Variants in EBF2 observed in about 807,000 individuals in gnomAD.
The protein encoded by EBF2 is EBF transcription factor 2.
A neutral mutation model predicts 72.8 loss-of-function variants in EBF2; 21 were observed. That is an observed-to-expected ratio of 0.29 (90% CI 0.20 to 0.42). The LOEUF is 0.42. EBF2 is among the 10% of genes least tolerant of loss of function. EBF2 has a pLI of 1.00. For missense variants in EBF2, 637 were observed against 731.2 expected, an observed-to-expected ratio of 0.87 and a Z score of 1.49; for synonymous variants, 299 against 274.2, an observed-to-expected ratio of 1.09 and a Z score of -0.89.
In EBF2 at chr8:25,850,751, T is replaced by G; in HGVS notation, c.1539A>C (p.Ser513=). Residue 513 remains serine, a synonymous_variant, in exon 15 of 16, where the codon TCA becomes TCC. Transcript: ENST00000520164. The part of the protein sequence containing the change: ...PTGSPYGIMS[S]SPTVGSSSTS... ...TGCTGGAAGACCCAACGGTGGGACT[T>G]GATGACATGACTGGAAAGCAAATGC... is the stretch of plus-strand genomic sequence containing the variant. 3 of 1,552,434 alleles carry G rather than the reference T, an allele frequency of 1.9e-6. No individual in the cohort carries two copies. Among genetic ancestry groups the G allele is most frequent in the East Asian group, 2.5e-5 (1 of 40,240 alleles).
chr8:25,846,519 C>T (rs1428285589), intron 15 of EBF2, among the ~76,000 whole-genome samples: 1 of 152,104 alleles, frequency 6.6e-6, no homozygotes, highest in Non-Finnish European at 1.5e-5. Flanking sequence ...GAAAACCCAT[C>T]TCTACAAAAA....
intron 6 of EBF2, among the ~76,000 whole-genome samples, chr8:25,978,657 T>C (rs1804306238): frequency 6.6e-6 from 1 of 152,044 alleles, no homozygotes; most frequent in Non-Finnish European, 1.5e-5. Flanking sequence ...TGAGCACACC[T>C]AGGAAATGGG....
chr8:25,922,580 A>T (rs1803322224), intron 6 of EBF2, among the ~76,000 whole-genome samples: 1 of 152,260 alleles, frequency 6.6e-6, no homozygotes, highest in South Asian at 2.1e-4. Context: ...AGATATCATT[A>T]TTAAGTCAAC....
At chr8:25,891,793 G>A (rs1802786502) in intron 7 of EBF2, among the ~76,000 whole-genome samples, 1 of 152,108 alleles carries the variant, frequency 6.6e-6, no homozygotes. Flanking sequence ...GGCCAGGCTG[G>A]TCTTGAACTC....
intron 10 of EBF2, among the ~76,000 whole-genome samples, chr8:25,881,600 TG>T (rs1802606148): frequency 6.6e-6 from 1 of 152,060 alleles, no homozygotes; most frequent in Admixed American, 6.5e-5. Context: ...GGAAGGGAAG[TG>T]CTGGGTAGAG....
intron 6 of EBF2, among the ~76,000 whole-genome samples, chr8:25,928,564 C>G (rs73225942): frequency 6.6e-6 from 1 of 151,974 alleles, no homozygotes; most frequent in Non-Finnish European, 1.5e-5. Flanking sequence ...TCACTTAGAA[C>G]GAAGCCAGAG....
chr8:25,888,013 T>C (rs754239484), intron 8 of EBF2, 41 bp from the exon 9 acceptor site: 3 of 1,558,590 alleles, frequency 1.9e-6, no homozygotes, highest in South Asian at 1.2e-5. Context: ...TGTTCTTTCA[T>C]GGGTGTCCAA....
At chr8:26,005,830 CAAAA>C (rs34153696) in intron 6 of EBF2, among the ~76,000 whole-genome samples, 2 of 118,564 alleles carry the variant, frequency 1.7e-5, no homozygotes, top group Non-Finnish European at 1.7e-5. Context: ...GACCAAGTCT[CAAAA>C]AAAAAAAAAA....
intron 6 of EBF2, among the ~76,000 whole-genome samples, chr8:25,993,537 T>C (rs1040922402): frequency 2.6e-5 from 4 of 152,238 alleles, no homozygotes; most frequent in African/African-American, 7.2e-5. Flanking sequence ...ATTTCCTTTT[T>C]ATGTCTTTGT....
chr8:25,864,487 G>A (rs1484825983), intron 10 of EBF2, among the ~76,000 whole-genome samples: 2 of 137,116 alleles, frequency 1.5e-5, no homozygotes, highest in Non-Finnish European at 3.1e-5. Flanking sequence ...TCCAAGAACT[G>A]GTAGATACAC....
At chr8:26,003,347 T>G (rs992465164) in intron 6 of EBF2, among the ~76,000 whole-genome samples, 1 of 152,214 alleles carries the variant, frequency 6.6e-6, no homozygotes, top group African/African-American at 2.4e-5. Flanking sequence ...ACTAGATTAT[T>G]TTCTGTGAGC....
At chr8:25,976,964 C>T (rs901126866) in intron 6 of EBF2, among the ~76,000 whole-genome samples, 4 of 152,204 alleles carry the variant, frequency 2.6e-5, no homozygotes, top group African/African-American at 9.7e-5. Context: ...AGTTGCAGCT[C>T]CCAGTGAATT....
intron 7 of EBF2, among the ~76,000 whole-genome samples, chr8:25,897,890 G>C (rs746477273): frequency 1.3e-5 from 2 of 152,198 alleles, no homozygotes; most frequent in Non-Finnish European, 2.9e-5. Context: ...CAATGGGATT[G>C]CTGGGTCAAA....
At chr8:25,884,464 C>T (rs1433637787) in intron 10 of EBF2, among the ~76,000 whole-genome samples, 1 of 152,200 alleles carries the variant, frequency 6.6e-6, no homozygotes, top group Non-Finnish European at 1.5e-5. Flanking sequence ...TCCATGTCCC[C>T]TCTTCAGAGA....
intron 6 of EBF2, among the ~76,000 whole-genome samples, chr8:25,995,944 G>C (rs1804620134): frequency 6.6e-6 from 1 of 151,950 alleles, no homozygotes; most frequent in Admixed American, 6.6e-5. Context: ...AATAATTATA[G>C]CTAGAGATTT....
chr8:25,845,415 G>A (rs749170066), intron 15 of EBF2, among the ~76,000 whole-genome samples: 4 of 152,140 alleles, frequency 2.6e-5, no homozygotes, highest in Non-Finnish European at 5.9e-5. Flanking sequence ...TGTATTGAAT[G>A]GGGTTTCGCC....
At chr8:25,925,754 C>T (rs1803375485) in intron 6 of EBF2, among the ~76,000 whole-genome samples, 2 of 152,242 alleles carry the variant, frequency 1.3e-5, no homozygotes, top group East Asian at 3.9e-4. Flanking sequence ...CTGTGAGTCA[C>T]GATGGGCTGT....
intron 6 of EBF2, among the ~76,000 whole-genome samples, chr8:25,917,201 T>TTG (rs1554569945): frequency 1.5e-5 from 2 of 131,276 alleles, no homozygotes; most frequent in Admixed American, 7.0e-5. Flanking sequence ...GGTTTGGGGT[T>TTG]TTTTTTTTTT....
chr8:25,860,224 A>G (rs1029720628), intron 13 of EBF2, among the ~76,000 whole-genome samples: 3 of 152,188 alleles, frequency 2.0e-5, no homozygotes, highest in African/African-American at 7.2e-5. Context: ...CTTCACATGT[A>G]AAAGCACAGT....
Sources: allele counts gnomAD v4.1 joint callset (sites outside exome capture counted in the v4.1 genomes callset), GRCh38; gene constraint gnomAD v4.1.1; transcripts MANE v1.5; gene names NCBI Gene and HGNC (gene_info 2026-07-23, HGNC 2026-07-21).